Variants in RASGRP1 observed in about 807,000 individuals in gnomAD.
RASGRP1 encodes the protein RAS guanyl releasing protein 1, also known as RAS guanyl-releasing protein 1.
RASGRP1 carries 37 observed loss-of-function variants against 95.1 expected under a neutral mutation model. The ratio of observed to expected loss-of-function variants is 0.39; its 90% CI spans 0.30 to 0.51. The LOEUF (loss-of-function observed/expected upper bound fraction) is 0.51. Ranked by LOEUF, RASGRP1 falls within the 20% of genes least tolerant of loss-of-function variation. RASGRP1 has a pLI of 0.80. For synonymous variants in RASGRP1, 325 were observed against 353.4 expected (o/e 0.92, Z 0.90); for missense variants, 711 against 965.4 (o/e 0.74, Z 3.49).
At chr15:38,509,663 T>C (rs1053926717) in intron 8 of RASGRP1, among the ~76,000 whole-genome samples, 1 of 152,108 alleles carries the variant, frequency 6.6e-6, no homozygotes, top group Non-Finnish European at 1.5e-5. Flanking sequence ...GAGGCGGAGA[T>C]TCCAGTGAGC....
chr15:38,506,512 G>A (rs1475076655), intron 9 of RASGRP1, among the ~76,000 whole-genome samples: 7 of 151,882 alleles, frequency 4.6e-5, no homozygotes, highest in Non-Finnish European at 8.8e-5. Flanking sequence ...GCGTGTGCCC[G>A]TGGTCCCAGC....
rs74009815 is a variant in RASGRP1 at position 38,494,295 on chromosome 15, C to T, written c.2259+87G>A. 3.7e-5 allele frequency: 56 copies of T among 1,518,186 alleles called. No homozygotes were observed. In the African/African-American group the frequency reaches 6.8e-4, roughly 18 times the overall value. 94.0% of individuals were successfully genotyped at this position (1,518,186 alleles called of 1,614,324 possible). ...TTAGACTGCTTGTAATCAGCCTGATCTGAATCTTCAGTCCACATGCTCTTT... is the reference window on the plus strand; with the variant it reads ...TTAGACTGCTTGTAATCAGCCTGATTTGAATCTTCAGTCCACATGCTCTTT... On this transcript the variant is annotated intron_variant, in intron 16 of 16. Coordinates refer to ENST00000310803, the MANE Select transcript of RASGRP1 (RefSeq NM_005739.4).
rs1320021891 is a variant in RASGRP1, at chr15:38,494,717, C to G, written c.1924G>C (p.Gly642Arg). The G allele has an allele frequency of 6.6e-7, 1 of 1,517,498 alleles. No homozygotes were observed. The highest frequency in any genetic ancestry group is 1.4e-5 in the African/African-American group (1 of 71,636). The allele number at this position is 1,517,498 out of a possible 1,614,324, so 94.0% of individuals were successfully genotyped here. A position where few individuals can be genotyped will look rare whatever the true frequency, so the allele number is the denominator to read the frequency against. Reference sequence around the variant, plus strand: ...ATGGTCCGATCCTTACTCTCCTCACCATGTTCCACAGCCTCCCCATTAGGG... The same window carrying G: ...ATGGTCCGATCCTTACTCTCCTCACGATGTTCCACAGCCTCCCCATTAGGG... The part of the protein sequence containing the change: ...TFPNGEAVEH[G>R]EESKDRTIML... The change falls in exon 16 of 17, where the codon GGT (glycine) becomes CGT (arginine). Residue 642 changes from glycine to arginine, a missense_variant. Transcript: ENST00000310803.
rs1890474065 is a variant in RASGRP1, at chr15:38,489,224, C to T, written c.*1330G>A. On this transcript the variant is annotated 3_prime_UTR_variant, in exon 17 of 17. Transcript: ENST00000310803. ...CTTTATAGGCATGGAAGCTAAGTAC[C>T]CCCAAAAAGGAAAATGATCATATGA... 6.6e-6 allele frequency: 1 copy of T among 151,408 alleles called. No homozygotes were observed. Among genetic ancestry groups the T allele is most frequent in the Admixed American group, 6.6e-5 (1 of 15,234 alleles). The allele number at this position is 151,408 out of a possible 1,614,324, so 9.4% of individuals were successfully genotyped here.
At chr15:38,508,914 G>A (rs1170855882) in intron 8 of RASGRP1, among the ~76,000 whole-genome samples, 1 of 152,164 alleles carries the variant, frequency 6.6e-6, no homozygotes, top group Non-Finnish European at 1.5e-5. Flanking sequence ...TCCTTAGGGG[G>A]ATACAGTCCA....
At chr15:38,539,831 T>C (rs1246731788) in intron 2 of RASGRP1, among the ~76,000 whole-genome samples, 3 of 152,190 alleles carry the variant, frequency 2.0e-5, no homozygotes. Context: ...GTTTGGTTTT[T>C]TGTTCTTGCG....
Position 38,511,618 on chromosome 15 carries a change from G to T in RASGRP1, c.952C>A (p.His318Asn), listed in dbSNP as rs775746697. 1 of 1,612,912 alleles carries T rather than the reference G, an allele frequency of 6.2e-7. No homozygotes were observed. Among genetic ancestry groups the T allele is most frequent in the East Asian group, 2.2e-5 (1 of 44,862 alleles). Reference protein sequence around the residue: ...RLKETSSHVPHEINKVLGEMT... With the variant: ...RLKETSSHVPNEINKVLGEMT... ...GTAGCACTGACCTTATTGATTTCATGTGGGACATGCGAACTTGTCTCCTTG... is the reference window on the plus strand; with the variant it reads ...GTAGCACTGACCTTATTGATTTCATTTGGGACATGCGAACTTGTCTCCTTG... Residue 318 changes from histidine to asparagine, a missense_variant, in exon 8 of 17, where the codon CAT becomes AAT. Coordinates refer to ENST00000310803, the MANE Select transcript of RASGRP1 (RefSeq NM_005739.4).
At position 38,495,845 on chromosome 15, in the gene RASGRP1, TACA is replaced by T. The variant is rs1890775072; in HGVS notation, c.1874-1081_1874-1079del. ...TCTCCATTTTCCAACTTTTCTGTAA[TACA>T]GTTATACATTCTTTTTACCAACCTA... On this transcript the variant is annotated intron_variant, in intron 15 of 16. Transcript: ENST00000310803. Among the ~76,000 whole-genome samples, 4 of 152,294 alleles carry T rather than the reference TACA, an allele frequency of 2.6e-5. No homozygotes were observed. The South Asian group carries it at 6.2e-4, about 24-fold the overall frequency.
At chr15:38,525,597 G>A (rs188677084) in intron 3 of RASGRP1, among the ~76,000 whole-genome samples, 8 of 152,262 alleles carry the variant, frequency 5.3e-5, no homozygotes, top group South Asian at 4.1e-4. Flanking sequence ...AAGATGAAAC[G>A]CGGGGAATTA....
chr15:38,493,272 GGTTC>G, intron 16 of RASGRP1, among the ~76,000 whole-genome samples: 1 of 148,424 alleles, frequency 6.7e-6, no homozygotes, highest in East Asian at 2.0e-4. Flanking sequence ...CCACCTCCCG[GGTTC>G]AAGTGATTCT....
Position 38,490,304 on chromosome 15 carries a change from T to C in RASGRP1, c.*250A>G, listed in dbSNP as rs1012496013. On this transcript the variant is annotated 3_prime_UTR_variant, in exon 17 of 17. Transcript: ENST00000310803. Reference sequence around the variant, plus strand: ...TAGTCATGTTTTAGATCGCATACTTTTGATGAACATCAGTGGTATGAATAG... The same window carrying C: ...TAGTCATGTTTTAGATCGCATACTTCTGATGAACATCAGTGGTATGAATAG... 7 of 321,370 alleles carry C rather than the reference T, an allele frequency of 2.2e-5. No homozygotes were observed. Among genetic ancestry groups the C allele is most frequent in the Non-Finnish European group, 3.9e-5 (7 of 178,298 alleles). 19.9% of individuals were successfully genotyped at this position (321,370 alleles called of 1,614,324 possible). A position where few individuals can be genotyped will look rare whatever the true frequency, so the allele number is the denominator to read the frequency against.
chr15:38,526,920 C>A (rs140470154), intron 2 of RASGRP1, among the ~76,000 whole-genome samples: 2 of 152,300 alleles, frequency 1.3e-5, no homozygotes, highest in Non-Finnish European at 2.9e-5. Context: ...GAAATATATG[C>A]TTCTCCAGTT....
At chr15:38,522,184 C>T (rs764485918) in intron 3 of RASGRP1, among the ~76,000 whole-genome samples, 67 of 152,106 alleles carry the variant, frequency 4.4e-4, no homozygotes, top group Non-Finnish European at 7.1e-4. Flanking sequence ...GCGGGGGAGA[C>T]GACACACAAA....
chr15:38,549,238 A>T (rs187329235), intron 2 of RASGRP1, among the ~76,000 whole-genome samples: 152 of 152,360 alleles, frequency 1.0e-3, no homozygotes, highest in African/African-American at 3.3e-3. Flanking sequence ...TGAACTGGGA[A>T]GGAGGAAGGG....
At chr15:38,526,477 C>T (rs945709344) in intron 2 of RASGRP1, 73 bp from the exon 3 acceptor site, 59 of 1,104,864 alleles carry the variant, frequency 5.3e-5, no homozygotes, top group Non-Finnish European at 7.3e-5. Context: ...ACCTGCAAAC[C>T]CTCTGTGACT....
chr15:38,491,152 C>CT (rs1890564332), intron 16 of RASGRP1, among the ~76,000 whole-genome samples: 1 of 152,096 alleles, frequency 6.6e-6, no homozygotes, highest in African/African-American at 2.4e-5. Context: ...TTCACCCCAC[C>CT]CCTAAGTTGA....
chr15:38,529,842 A>G (rs1892372482), intron 2 of RASGRP1, among the ~76,000 whole-genome samples: 1 of 152,244 alleles, frequency 6.6e-6, no homozygotes, highest in East Asian at 1.9e-4. Context: ...GTGAAATGTA[A>G]TATACACATT....
At position 38,488,773 on chromosome 15, in the gene RASGRP1, A is replaced by G. The variant is rs1171291779; in HGVS notation, c.*1781T>C. 5.3e-5 allele frequency: 8 copies of G among 152,036 alleles called. No homozygotes were observed. Among genetic ancestry groups the G allele is most frequent in the African/African-American group, 1.4e-4 (6 of 41,456 alleles). The allele number at this position is 152,036 out of a possible 1,614,324, so 9.4% of individuals were successfully genotyped here. On this transcript the variant is annotated 3_prime_UTR_variant, in exon 17 of 17. Transcript: ENST00000310803. The stretch of plus-strand genomic sequence containing the variant: ...AAGGAAAACAAGAATAGTGAAGAAT[A>G]TGAATTTTTAGAGTTTGTCCTAACT...
chr15:38,562,823 A>G (rs189989719), intron 1 of RASGRP1, among the ~76,000 whole-genome samples: 6 of 152,168 alleles, frequency 3.9e-5, no homozygotes, highest in Non-Finnish European at 8.8e-5. Context: ...CTGTTTTCTA[A>G]TTCTGGTAAA....
Sources: allele counts gnomAD v4.1 joint callset (sites outside exome capture counted in the v4.1 genomes callset), GRCh38; gene constraint gnomAD v4.1.1; transcripts MANE v1.5; gene names NCBI Gene and HGNC (gene_info 2026-07-23, HGNC 2026-07-21).